The following CDHR2 variants were observed in gnomAD, a reference collection of about 807,000 sequenced individuals.
CDHR2 encodes cadherin related family member 2.
A neutral mutation model predicts 138.6 loss-of-function variants in CDHR2; 104 were observed. The observed-to-expected ratio is 0.75, with a 90% CI of 0.64 to 0.88. The LOEUF is 0.88. Among genes scored for constraint, CDHR2 ranks in the 40% least tolerant of loss-of-function variants. The probability of loss-of-function intolerance (pLI) is 0.00; values close to 1 mark genes in which losing one functional copy is unlikely to be tolerated. For synonymous variants in CDHR2, 755 were observed against 742.8 expected (o/e 1.02, Z -0.27); for missense variants, 1,624 against 1,727.6 (o/e 0.94, Z 1.06).
chr5:176,554,842 C>T (rs7448451), intron 1 of CDHR2, among the ~76,000 whole-genome samples: 44,234 of 151,952 alleles, frequency 0.29, 6,887 homozygotes, highest in East Asian at 0.49. Context: ...TTAGTAGAGA[C>T]GGGGTTTCAC....
chr5:176,582,676 G>C (rs1385519281), intron 17 of CDHR2, among the ~76,000 whole-genome samples: 1 of 152,204 alleles, frequency 6.6e-6, no homozygotes, highest in Non-Finnish European at 1.5e-5. Context: ...CAGCTACTTG[G>C]AAGGCTGAGG....
intron 6 of CDHR2, 139 bp from the exon 7 acceptor site, chr5:176,573,944 G>C (rs1216511708): frequency 1.6e-5 from 10 of 638,612 alleles, no homozygotes; most frequent in Non-Finnish European, 2.7e-5. Flanking sequence ...CCTTCCACCC[G>C]CAGCCCTGGT....
chr5:176,547,896 G>C (rs1361924129), upstream of CDHR2, among the ~76,000 whole-genome samples: 1 of 152,182 alleles, frequency 6.6e-6, no homozygotes, highest in African/African-American at 2.4e-5. Context: ...CCTGACTATA[G>C]CAACTGCCTG....
rs759818454 is a variant in CDHR2 at position 176,576,138 on chromosome 5, C to G, written c.1147C>G (p.Arg383Gly). 44 of 1,613,896 alleles carry G rather than the reference C, an allele frequency of 2.7e-5. No individual in the cohort carries two copies. Among genetic ancestry groups the G allele is most frequent in the Non-Finnish European group, 2.3e-5 (27 of 1,180,042 alleles). Residue 383 changes from arginine to glycine, a missense_variant, in exon 12 of 32, where the codon CGC becomes GGC. Arg to Gly is a moderately radical substitution (Grantham distance 125). Around this residue, in one of 3 missense-constraint regions of CDHR2, gnomAD observed 1,061 missense variants for 1,136.6 expected, o/e 0.93. Transcript: ENST00000261944. The surrounding 1 kb of genome is among the most constrained non-coding windows in gnomAD (Gnocchi z 4.5). Reference protein sequence around the residue: ...TGYVDEHASPRIPIDDLTMVV... With the variant: ...TGYVDEHASPGIPIDDLTMVV... ...CTACGTGGACGAGCATGCCTCCCCCCGCATCCCCATCGATGACCTCACCAT... is the reference window on the plus strand; with the variant it reads ...CTACGTGGACGAGCATGCCTCCCCCGGCATCCCCATCGATGACCTCACCAT...
At chr5:176,548,064 G>A (rs2113242924), upstream of CDHR2, among the ~76,000 whole-genome samples, 2 of 152,238 alleles carry the variant, frequency 1.3e-5, no homozygotes, top group Admixed American at 1.3e-4. Context: ...CTGTGCTCCT[G>A]GGCTGCTAAC....
rs1425088856 is a variant in CDHR2 at position 176,571,359 on chromosome 5, A to T, written c.405+57A>T. 3.1e-6 allele frequency: 4 copies of T among 1,292,124 alleles called. No individual in the cohort carries two copies. In the East Asian group the frequency reaches 1.0e-4, roughly 32 times the overall value. The allele number at this position is 1,292,124 out of a possible 1,614,324, so 80.0% of individuals were successfully genotyped here. On this transcript the variant is annotated intron_variant, in intron 6 of 31. Coordinates refer to ENST00000261944, the MANE Select transcript of CDHR2 (RefSeq NM_017675.6). The stretch of plus-strand genomic sequence containing the variant: ...GGGGGCATCCCAAAGTGCTTCTCAG[A>T]GTAGGAAGAGCCAGAGACAGTCAGT...
intron 10 of CDHR2, 24 bp downstream of exon 10, chr5:176,575,605 C>T: frequency 1.9e-6 from 3 of 1,612,668 alleles, no homozygotes; most frequent in Non-Finnish European, 2.5e-6. Context: ...GTCCCCAGGC[C>T]AGGGCTGGGC....
At chr5:176,586,588 G>A (rs1758674361) in intron 20 of CDHR2, 1 of 579,138 alleles carries the variant, frequency 1.7e-6, no homozygotes, top group South Asian at 2.2e-5. Context: ...GCATGGTCCT[G>A]TGGGCCTGTG....
chr5:176,589,663 A>C (rs779009387), intron 24 of CDHR2, 47 bp downstream of exon 24: 6 of 1,545,182 alleles, frequency 3.9e-6, no homozygotes, highest in Non-Finnish European at 5.4e-6. Flanking sequence ...AACAGGGTGT[A>C]GGAGCCTGGT....
intron 6 of CDHR2, among the ~76,000 whole-genome samples, chr5:176,573,572 A>AG (rs1758284410): frequency 6.6e-6 from 1 of 151,798 alleles, no homozygotes; most frequent in South Asian, 2.1e-4. Context: ...GCTTAAACCC[A>AG]GGGGGCAGAG....
rs112291493 is a variant in CDHR2, at chr5:176,580,146, TCACA to T, written c.1819-1189_1819-1186del. On this transcript the variant is annotated intron_variant, in intron 16 of 31. Transcript: ENST00000261944. ...CTCACGCACGCACTCACACACGCAC[TCACA>T]CACACACTCACACACGCACTCACAC... Among the ~76,000 whole-genome samples, 25 of 149,906 alleles carry T rather than the reference TCACA, an allele frequency of 1.7e-4. No homozygotes were observed. The East Asian group carries it at 4.5e-3, about 27-fold the overall frequency.
intron 24 of CDHR2, 119 bp downstream of exon 24, chr5:176,589,735 C>A: frequency 2.3e-6 from 2 of 875,854 alleles, no homozygotes; most frequent in Non-Finnish European, 3.7e-6. Flanking sequence ...TTGACCTTGT[C>A]CCTGTCTTCA....
At chr5:176,585,880 GC>G (rs1460733661) in intron 19 of CDHR2, 73 bp from the exon 20 acceptor site, 1 of 1,165,142 alleles carries the variant, frequency 8.6e-7, no homozygotes, top group Non-Finnish European at 1.3e-6. Context: ...AGGCTGTGGG[GC>G]ACAGGGTTGA....
chr5:176,585,817 G>A, intron 19 of CDHR2, 137 bp from the exon 20 acceptor site: 3 of 680,928 alleles, frequency 4.4e-6, no homozygotes, highest in East Asian at 2.6e-5. Flanking sequence ...AGGCTGCGGG[G>A]CACAGGGTTG....
At position 176,584,571 on chromosome 5, in the gene CDHR2, G is replaced by A. The variant is rs774935415; in HGVS notation, c.2290G>A (p.Val764Met). 68 of 1,610,454 alleles carry A rather than the reference G, an allele frequency of 4.2e-5. 1 individual carries two copies. Among genetic ancestry groups the A allele is most frequent in the South Asian group, 9.9e-5 (9 of 90,616 alleles). Reference sequence around the variant, plus strand: ...GGGCTACCTCCGGCTGCCCCCGGACGTGAGCCTGGATTACGAGACACAGCC... The same window carrying A: ...GGGCTACCTCCGGCTGCCCCCGGACATGAGCCTGGATTACGAGACACAGCC... Reference protein sequence around the residue: ...AEGYLRLPPDVSLDYETQPVF... With the variant: ...AEGYLRLPPDMSLDYETQPVF... Residue 764 changes from valine to methionine, a missense_variant, in exon 19 of 32, where the codon GTG (valine) becomes ATG (methionine). Physicochemically the swap from Val to Met is conservative, Grantham distance 21 (BLOSUM62 1). Coordinates refer to ENST00000261944, the MANE Select transcript of CDHR2 (RefSeq NM_017675.6).
chr5:176,545,341 ATG>A (rs964085358), upstream of CDHR2, among the ~76,000 whole-genome samples: 1 of 152,054 alleles, frequency 6.6e-6, no homozygotes, highest in Non-Finnish European at 1.5e-5. Context: ...ACGTTTCACC[ATG>A]TTGGCCAGGC....
At position 176,578,570 on chromosome 5, in the gene CDHR2, G is replaced by A. The variant is rs1344446943; in HGVS notation, c.1780G>A (p.Val594Ile). ...GGTTAGCGGCTCCTACAACATCTTC[G>A]TCCAGGAGGAGGAGGGCAATGTCTC... The part of the protein sequence containing the change: ...PVVSGSYNIF[V>I]QEEEGNVSVT... The change falls in exon 16 of 32, where the codon GTC becomes ATC. Residue 594 changes from valine (V) to isoleucine (I), a missense_variant. This residue lies in a region of CDHR2 where 1,061 missense variants were observed against 1,136.6 expected (regional missense o/e 0.93). Coordinates refer to ENST00000261944, the MANE Select transcript of CDHR2 (RefSeq NM_017675.6). The A allele has an allele frequency of 1.1e-5, 17 of 1,613,480 alleles. No homozygotes were observed. The highest frequency in any genetic ancestry group is 1.7e-5 in the Admixed American group (1 of 59,998).
rs1183132035 is a variant in CDHR2 at position 176,576,403 on chromosome 5, G to A, written c.1194+218G>A. Among the ~76,000 whole-genome samples, 3 of 152,152 alleles carry A rather than the reference G, an allele frequency of 2.0e-5. No homozygotes were observed. Among genetic ancestry groups the A allele is most frequent in the Non-Finnish European group, 4.4e-5 (3 of 68,026 alleles). On this transcript the variant is annotated intron_variant, in intron 12 of 31. Transcript: ENST00000261944. This position sits in a 1 kb window ranked among gnomAD's most constrained non-coding sequence, Gnocchi z 4.5. The stretch of plus-strand genomic sequence containing the variant: ...GGGGCTGAATAGAAGGCCATGCTGA[G>A]TGGAGGCTGACGTAGAACGTCAGAT...
In CDHR2 at chr5:176,584,514, C is replaced by T. The variant is rs200848414; in HGVS notation, c.2233C>T (p.Arg745Ter). 71 of 1,613,474 alleles carry T rather than the reference C, an allele frequency of 4.4e-5. No individual in the cohort carries two copies. Among genetic ancestry groups the T allele is most frequent in the African/African-American group, 1.1e-4 (8 of 74,922 alleles). ...SGSGANYFMI[R>*]GLVLGAGWAE... The stretch of plus-strand genomic sequence containing the variant: ...GAGTGGTGCCAACTACTTCATGATC[C>T]GAGGCTTGGTGCTGGGGGCTGGGTG... Residue 745 changes from arginine (R) to a stop codon, truncating the protein, a stop_gained, in exon 19 of 32, where the codon CGA becomes TGA. Transcript: ENST00000261944. LOFTEE classifies it high-confidence loss of function.
Sources: allele counts gnomAD v4.1 joint callset (sites outside exome capture counted in the v4.1 genomes callset), GRCh38; gene constraint gnomAD v4.1.1; regional missense constraint gnomAD v4.1.1; non-coding constraint Gnocchi (gnomAD v3.1); transcripts MANE v1.5; gene names NCBI Gene and HGNC (gene_info 2026-07-23, HGNC 2026-07-21).